The following ZNF347 variants were observed in gnomAD, a reference collection of about 807,000 sequenced individuals.
ZNF347 encodes the protein CTD-2620I22.7.
A neutral mutation model predicts 12.9 loss-of-function variants in ZNF347; 19 were observed. That is an observed-to-expected ratio of 1.47 (90% CI 1.03 to 2.16). ZNF347 has a LOEUF of 2.16. ZNF347 is among the 30% of genes most tolerant of loss of function. ZNF347 has a pLI of 0.00. For synonymous variants in ZNF347, 328 were observed against 340.6 expected (o/e 0.96, Z 0.41); for missense variants, 1,005 against 990.6 (o/e 1.01, Z -0.19).
At chr19:53,145,642 C>T (rs888907784) in intron 4 of ZNF347, among the ~76,000 whole-genome samples, 3 of 152,154 alleles carry the variant, frequency 2.0e-5, no homozygotes, top group East Asian at 3.9e-4. Context: ...ATCCGCCTGC[C>T]TCAGCCTCCT....
intron 1 of ZNF347, among the ~76,000 whole-genome samples, chr19:53,155,978 C>G (rs2090531167): frequency 7.2e-6 from 1 of 138,698 alleles, no homozygotes; most frequent in African/African-American, 2.7e-5. Context: ...TACTTCACCT[C>G]TAGTCACCAA....
Position 53,136,121 on chromosome 19 carries a change from C to T in ZNF347, c.*4187G>A, listed in dbSNP as rs1407845958. Reference sequence around the variant, plus strand: ...CTCCAGATGCTGGTTAACCTCCACACGCTTGATTTTCAAGCATCTGATCTT... The same window carrying T: ...CTCCAGATGCTGGTTAACCTCCACATGCTTGATTTTCAAGCATCTGATCTT... On this transcript the variant is annotated 3_prime_UTR_variant, in exon 5 of 5. Coordinates refer to ENST00000334197, the MANE Select transcript of ZNF347 (RefSeq NM_032584.3). 1 of 151,132 alleles carries T rather than the reference C, an allele frequency of 6.6e-6. No individual in the cohort carries two copies. Among genetic ancestry groups the T allele is most frequent in the African/African-American group, 2.4e-5 (1 of 41,036 alleles). 9.4% of individuals were successfully genotyped at this position (151,132 alleles called of 1,614,324 possible).
At position 53,149,260 on chromosome 19, in the gene ZNF347, A is replaced by T. The variant is rs773979666; in HGVS notation, c.123T>A (p.Tyr41Ter). 8.7e-6 allele frequency: 14 copies of T among 1,613,488 alleles called. No individual in the cohort carries two copies. Among genetic ancestry groups the T allele is most frequent in the Non-Finnish European group, 1.2e-5 (14 of 1,179,800 alleles). The change falls in exon 3 of 5, where the codon TAT (tyrosine) becomes TAA (stop). Residue 41 changes from tyrosine to a stop codon, truncating the protein, a stop_gained. Coordinates refer to ENST00000334197, the MANE Select transcript of ZNF347 (RefSeq NM_032584.3). LOFTEE classifies it high-confidence loss of function. ...CCTCACCCAGGGAGGCCAGGTTCCT[A>T]TAATTCTCCAACATCACGTCCCTGT... ...TLYRDVMLEN[Y>*]RNLASLGISC...
chr19:53,149,201 C>G (rs2090481795), intron 3 of ZNF347, 40 bp downstream of exon 3: 1 of 1,605,974 alleles, frequency 6.2e-7, no homozygotes. Context: ...AAAAGATACA[C>G]AGGGGCAGAT....
chr19:53,142,081 T>C lies in ZNF347; in HGVS notation c.747A>G (p.Thr249=), dbSNP rs780803468. The change falls in exon 5 of 5, where the codon ACA becomes ACG. Residue 249 remains threonine, a synonymous_variant. Coordinates refer to ENST00000334197, the MANE Select transcript of ZNF347 (RefSeq NM_032584.3). Reference sequence around the variant, plus strand: ...CCCAATTATTTGCTTTTTGCCCCTGTGTGAGTAATAAAGAAGAGATAAAAT... The same window carrying C: ...CCCAATTATTTGCTTTTTGCCCCTGCGTGAGTAATAAAGAAGAGATAAAAT... ...LKDFISSLLL[T]QGQKANNWGS... The C allele has an allele frequency of 1.9e-6, 3 of 1,612,886 alleles. No homozygotes were observed. In the African/African-American group the frequency reaches 4.0e-5, roughly 22 times the overall value.
At chr19:53,156,300 GAGGC>G (rs1274475826) in intron 1 of ZNF347, among the ~76,000 whole-genome samples, 7 of 151,964 alleles carry the variant, frequency 4.6e-5, no homozygotes, top group Non-Finnish European at 7.4e-5. Context: ...TTGGGAGGCT[GAGGC>G]AGGCAGGAGA....
chr19:53,152,643 A>G (rs2090505996), intron 2 of ZNF347, among the ~76,000 whole-genome samples: 1 of 150,068 alleles, frequency 6.7e-6, no homozygotes, highest in Non-Finnish European at 1.5e-5. Flanking sequence ...AATAATTGGT[A>G]AAACAGGCCG....
chr19:53,153,691 A>C (rs2090513591), intron 2 of ZNF347, 42 bp downstream of exon 2: 1 of 1,602,926 alleles, frequency 6.2e-7, no homozygotes. Flanking sequence ...CATTTCAAGA[A>C]GAAATAAGAG....
intron 4 of ZNF347, among the ~76,000 whole-genome samples, chr19:53,144,007 T>C (rs1454174926): frequency 6.6e-6 from 1 of 152,204 alleles, no homozygotes; most frequent in Non-Finnish European, 1.5e-5. Context: ...AAGCAATGAA[T>C]TAAAACATAC....
intron 1 of ZNF347, 139 bp from the exon 2 acceptor site, chr19:53,153,932 G>T: frequency 1.6e-6 from 1 of 633,142 alleles, no homozygotes. Flanking sequence ...GTGGAAAGAT[G>T]GTCTCAGCTG....
At position 53,151,950 on chromosome 19, in the gene ZNF347, G is replaced by A. The variant is rs1296611210; in HGVS notation, c.15+1783C>T. Among the ~76,000 whole-genome samples the A allele has an allele frequency of 2.0e-5, 3 of 151,896 alleles. 1 individual carries two copies. The highest frequency in any genetic ancestry group is 4.4e-5 in the Non-Finnish European group (3 of 67,910). ...TCTACTAAAAATACAGAAATTAGCC[G>A]GGTGTGGTGGTGGACATCTGTAATT... On this transcript the variant is annotated intron_variant, in intron 2 of 4. Coordinates refer to ENST00000334197, the MANE Select transcript of ZNF347 (RefSeq NM_032584.3).
In ZNF347 at chr19:53,140,322, A is replaced by T; in HGVS notation, c.2506T>A (p.Ser836Thr). The change falls in exon 5 of 5, where the codon TCA becomes ACA. Residue 836 changes from serine (S) to threonine (T), a missense_variant. Physicochemically the swap from Ser to Thr is moderately conservative, Grantham distance 58. Transcript: ENST00000334197. ...GTTTCTCTCCACTATGAATTCTGTG[A>T]TGGCTTGCAAGGTTTGAACTCTGAC... ...LKSEFKPCKP[S>T]QNS 6.5e-7 allele frequency: 1 copy of T among 1,548,260 alleles called. No individual in the cohort carries two copies. The highest frequency in any genetic ancestry group is 8.7e-7 in the Non-Finnish European group (1 of 1,151,818).
intron 1 of ZNF347, among the ~76,000 whole-genome samples, chr19:53,158,426 G>C (rs993927719): frequency 6.6e-6 from 1 of 152,238 alleles, no homozygotes; most frequent in Non-Finnish European, 1.5e-5. Context: ...CCACCTCGCG[G>C]GCGAGGACTT....
chr19:53,154,967 C>T (rs1332418883), intron 1 of ZNF347, among the ~76,000 whole-genome samples: 3 of 150,856 alleles, frequency 2.0e-5, no homozygotes, highest in Non-Finnish European at 4.4e-5. Flanking sequence ...GATGAAGTCT[C>T]ACTCTTGTCA....
chr19:53,135,460 C>T lies in ZNF347; in HGVS notation c.*4848G>A, dbSNP rs1599847680. The T allele has an allele frequency of 6.6e-6, 1 of 151,758 alleles. No homozygotes were observed. The highest frequency in any genetic ancestry group is 1.9e-4 in the East Asian group (1 of 5,166). The allele number at this position is 151,758 out of a possible 1,614,324, so 9.4% of individuals were successfully genotyped here. A position where few individuals can be genotyped will look rare whatever the true frequency, so the allele number is the denominator to read the frequency against. On this transcript the variant is annotated 3_prime_UTR_variant, in exon 5 of 5. Transcript: ENST00000334197. ...GGAACTCGGCTAACTGCAACATCCG[C>T]CTCCCAGGCTCAAGCAATTCTCCTG... is the stretch of plus-strand genomic sequence containing the variant.
chr19:53,135,173 T>G lies in ZNF347; in HGVS notation c.*5135A>C, dbSNP rs2090378016. ...ACTGAAATGTGACAAGATGAGTCTT[T>G]TAAAGCAGAATATGCTGAGATCTGA... On this transcript the variant is annotated 3_prime_UTR_variant, in exon 5 of 5. Transcript: ENST00000334197. The G allele has an allele frequency of 1.3e-5, 2 of 151,928 alleles. No individual in the cohort carries two copies. Among genetic ancestry groups the G allele is most frequent in the South Asian group, 4.1e-4 (2 of 4,826 alleles). 9.4% of individuals were successfully genotyped at this position (151,928 alleles called of 1,614,324 possible). A position where few individuals can be genotyped will look rare whatever the true frequency, so the allele number is the denominator to read the frequency against.
In ZNF347 at chr19:53,140,188, C is replaced by T; in HGVS notation, c.*120G>A. ...GTGTTGGGATTACAGGCATGAGCCA[C>T]TGCACCCAGCCAGTCATTGCATTTT... On this transcript the variant is annotated 3_prime_UTR_variant, in exon 5 of 5. Transcript: ENST00000334197. The T allele has an allele frequency of 2.8e-6, 3 of 1,055,836 alleles. No individual in the cohort carries two copies. Among genetic ancestry groups the T allele is most frequent in the Non-Finnish European group, 2.7e-6 (2 of 729,436 alleles). 65.4% of individuals were successfully genotyped at this position (1,055,836 alleles called of 1,614,324 possible).
chr19:53,137,437 AAGTT>A lies in ZNF347; in HGVS notation c.*2867_*2870del, dbSNP rs1335515829. 1 of 152,106 alleles carries A rather than the reference AAGTT, an allele frequency of 6.6e-6. No homozygotes were observed. The highest frequency in any genetic ancestry group is 1.5e-5 in the Non-Finnish European group (1 of 68,006). The allele number at this position is 152,106 out of a possible 1,614,324, so 9.4% of individuals were successfully genotyped here. On this transcript the variant is annotated 3_prime_UTR_variant, in exon 5 of 5. Coordinates refer to ENST00000334197, the MANE Select transcript of ZNF347 (RefSeq NM_032584.3). ...AGGTTATTACCATAACACCCCAAGC[AAGTT>A]ATTTATCCCTGCTCTCTCAAGCCAT... is the stretch of plus-strand genomic sequence containing the variant.
chr19:53,153,339 A>G (rs76106988), intron 2 of ZNF347, among the ~76,000 whole-genome samples: 12,244 of 152,274 alleles, frequency 0.08, 571 homozygotes, highest in African/African-American at 0.1. Flanking sequence ...TACATAATTT[A>G]GCAAGTATTT....
Sources: gnomAD v4.1 joint callset for allele counts (sites outside exome capture counted in the v4.1 genomes callset) on GRCh38, gnomAD v4.1.1 for gene constraint, MANE v1.5 for transcripts, NCBI Gene and HGNC (gene_info 2026-07-23, HGNC 2026-07-21) for gene names.